The following MAP3K14 variants were observed in gnomAD, a reference collection of about 807,000 sequenced individuals.
MAP3K14 encodes mitogen-activated protein kinase kinase kinase 14.
In MAP3K14, 16 loss-of-function variants were observed where a neutral mutation model predicts 99.2. The ratio of observed to expected loss-of-function variants is 0.16; its 90% CI spans 0.11 to 0.24. The LOEUF is 0.24. Ranked by LOEUF, MAP3K14 falls within the 10% of genes least tolerant of loss-of-function variation. The pLI, the probability that MAP3K14 is intolerant of heterozygous loss-of-function variation, is 1.00. For synonymous variants in MAP3K14, 462 were observed against 492.4 expected (o/e 0.94, Z 0.82); for missense variants, 784 against 1,208.7 (o/e 0.65, Z 5.21).
rs377123854 is a variant in MAP3K14 at position 45,287,127 on chromosome 17, G to A, written c.537+27C>T. The A allele has an allele frequency of 4.1e-4, 659 of 1,608,308 alleles. 5 individuals carry two copies. In the African/African-American group the frequency reaches 8.1e-3, roughly 20 times the overall value. On this transcript the variant is annotated intron_variant, in intron 4 of 15. Transcript: ENST00000344686. Reference sequence around the variant, plus strand: ...AATTTCAAGGCCCCATGAACCTGGGGTCTGGGCAGTGGGTGGAGGGTCTCA... The same window carrying A: ...AATTTCAAGGCCCCATGAACCTGGGATCTGGGCAGTGGGTGGAGGGTCTCA...
intron 6 of MAP3K14, among the ~76,000 whole-genome samples, chr17:45,282,971 GGCAGCTCTGGTGGGCTTGAGCT>G (rs1282919852): frequency 2.0e-5 from 3 of 152,340 alleles, no homozygotes; most frequent in African/African-American, 7.2e-5. Context: ...TTCTGTGAGT[GGCAGCTCTGGTGGGCTTGAGCT>G]GCAGCTCTGG....
rs116799914 is a variant in MAP3K14, at chr17:45,311,494, G to A, written c.-21+5466C>T. Among the ~76,000 whole-genome samples the A allele has an allele frequency of 8.0e-3, 1,223 of 152,298 alleles. 16 individuals carry two copies. Among genetic ancestry groups the A allele is most frequent in the African/African-American group, 0.028 (1,165 of 41,556 alleles). ...AACAGTGTCTGAAGAAAATCTCTGC[G>A]TTAATGGACACCTGATAGTGGCTTT... On this transcript the variant is annotated intron_variant, in intron 1 of 15. Transcript: ENST00000344686.
At chr17:45,280,325 A>G (rs2044212398) in intron 6 of MAP3K14, among the ~76,000 whole-genome samples, 1 of 127,380 alleles carries the variant, frequency 7.9e-6, no homozygotes, top group African/African-American at 3.3e-5. Flanking sequence ...TTTTTTTGAG[A>G]CAGAGTCTTG....
chr17:45,294,824 G>A (rs912826877), intron 1 of MAP3K14, among the ~76,000 whole-genome samples: 1 of 152,242 alleles, frequency 6.6e-6, no homozygotes. Flanking sequence ...CAAAATGGTA[G>A]CCACTAGCAA....
intron 2 of MAP3K14, among the ~76,000 whole-genome samples, chr17:45,289,546 T>C (rs912911443): frequency 2.6e-5 from 4 of 152,174 alleles, no homozygotes; most frequent in African/African-American, 9.6e-5. Flanking sequence ...TAGCCAAGCC[T>C]ATATTATGGG....
intron 2 of MAP3K14, among the ~76,000 whole-genome samples, chr17:45,289,798 G>A (rs988253838): frequency 4.1e-4 from 62 of 152,324 alleles, no homozygotes; most frequent in African/African-American, 1.5e-3. Context: ...GACGAGGGCA[G>A]GATGTATGCG....
chr17:45,315,067 C>G (rs998267841), intron 1 of MAP3K14, among the ~76,000 whole-genome samples: 1 of 151,296 alleles, frequency 6.6e-6, no homozygotes, highest in African/African-American at 2.4e-5. Context: ...AACCAATCAG[C>G]GCAAGCCATC....
At chr17:45,301,320 A>T (rs1246440036) in intron 1 of MAP3K14, among the ~76,000 whole-genome samples, 3 of 151,716 alleles carry the variant, frequency 2.0e-5, no homozygotes, top group Non-Finnish European at 4.4e-5. Flanking sequence ...AAAATTAGCC[A>T]GGCATGGTGG....
chr17:45,310,699 G>A, intron 1 of MAP3K14, among the ~76,000 whole-genome samples: 1 of 152,136 alleles, frequency 6.6e-6, no homozygotes, highest in East Asian at 1.9e-4. Flanking sequence ...TTGGACCCCT[G>A]TAATCAATCA....
rs372258853 is a variant in MAP3K14, at chr17:45,266,656, G to A, written c.2459C>T (p.Ser820Leu). The A allele has an allele frequency of 4.0e-5, 64 of 1,612,464 alleles. No individual in the cohort carries two copies. Among genetic ancestry groups the A allele is most frequent in the Middle Eastern group, 1.6e-4 (1 of 6,082 alleles). Reference protein sequence around the residue: ...EKNPSKASQSSRDTLSSGVHS... With the variant: ...EKNPSKASQSLRDTLSSGVHS... ...TACGCCTGAGCTCAGGGTGTCCCGCGAGCTTTGAGAGGCCTTTGATGGGTT... is the reference window on the plus strand; with the variant it reads ...TACGCCTGAGCTCAGGGTGTCCCGCAAGCTTTGAGAGGCCTTTGATGGGTT... Residue 820 changes from serine to leucine, a missense_variant, in exon 14 of 16, where the codon TCG (serine) becomes TTG (leucine). Around this residue, in one of 5 missense-constraint regions of MAP3K14, gnomAD observed 130 missense variants for 220.4 expected, o/e 0.59. Coordinates refer to ENST00000344686, the MANE Select transcript of MAP3K14 (RefSeq NM_003954.5).
chr17:45,281,291 C>T (rs2044220781), intron 6 of MAP3K14, among the ~76,000 whole-genome samples: 2 of 149,936 alleles, frequency 1.3e-5, no homozygotes, highest in African/African-American at 4.9e-5. Context: ...GATGGGGTCT[C>T]TACAAAGAAG....
intron 1 of MAP3K14, among the ~76,000 whole-genome samples, chr17:45,302,744 G>A (rs555360641): frequency 3.3e-5 from 5 of 152,324 alleles, no homozygotes; most frequent in East Asian, 1.9e-4. Flanking sequence ...AACCGTGTGC[G>A]CGCACATGCA....
chr17:45,277,859 A>C (rs1354315600), intron 6 of MAP3K14, among the ~76,000 whole-genome samples: 1 of 152,208 alleles, frequency 6.6e-6, no homozygotes, highest in Non-Finnish European at 1.5e-5. Context: ...CACTGTGATT[A>C]AAAGTACTTC....
At chr17:45,275,068 G>A (rs897044877) in intron 6 of MAP3K14, among the ~76,000 whole-genome samples, 3 of 152,012 alleles carry the variant, frequency 2.0e-5, no homozygotes, top group Non-Finnish European at 2.9e-5. Flanking sequence ...GAACCCAGGA[G>A]GCGGAGCTTG....
intron 1 of MAP3K14, among the ~76,000 whole-genome samples, chr17:45,310,027 CTTTTTTTTT>C (rs59117060): frequency 1.0e-5 from 1 of 98,832 alleles, no homozygotes; most frequent in Non-Finnish European, 2.0e-5. Flanking sequence ...AGGAGTCCAT[CTTTTTTTTT>C]TTTTTTTTTT....
chr17:45,274,456 C>T lies in MAP3K14; in HGVS notation c.1420+8G>A. On this transcript the variant is annotated splice_region_variant and intron_variant, in intron 7 of 15. Transcript: ENST00000344686. ...AATTTGGAGAAAGAGTGGGACCTGGCTCCTTACCTTCCAGCAGCTCCATGA... is the reference window on the plus strand; with the variant it reads ...AATTTGGAGAAAGAGTGGGACCTGGTTCCTTACCTTCCAGCAGCTCCATGA... The T allele has an allele frequency of 6.2e-7, 1 of 1,613,428 alleles. No homozygotes were observed. Among genetic ancestry groups the T allele is most frequent in the Non-Finnish European group, 8.5e-7 (1 of 1,179,656 alleles).
chr17:45,267,738 C>T lies in MAP3K14; in HGVS notation c.1994G>A (p.Trp665Ter). The T allele has an allele frequency of 6.2e-7, 1 of 1,612,034 alleles. No individual in the cohort carries two copies. The highest frequency in any genetic ancestry group is 8.5e-7 in the Non-Finnish European group (1 of 1,179,750). ...TCTTGGTTCTTTATATTCTCCCCTC[C>T]AAGGGCTCTTCAGACCTCCCACTAG... ...LQQVGGLKSP[W>*]RGEYKEPRHP... is the part of the protein sequence containing the mutation. Residue 665 changes from tryptophan to a stop codon, truncating the protein, a stop_gained, in exon 12 of 16, where the codon TGG becomes TAG. Coordinates refer to ENST00000344686, the MANE Select transcript of MAP3K14 (RefSeq NM_003954.5). LOFTEE classifies it high-confidence loss of function. The surrounding 1 kb of genome is among the most constrained non-coding windows in gnomAD (Gnocchi z 5.1).
At chr17:45,310,868 G>A (rs899722428) in intron 1 of MAP3K14, among the ~76,000 whole-genome samples, 13 of 152,132 alleles carry the variant, frequency 8.5e-5, no homozygotes, top group African/African-American at 2.7e-4. Flanking sequence ...ATAAGACAGC[G>A]TCCAACAAAT....
chr17:45,316,075 G>C (rs997320561), intron 1 of MAP3K14, among the ~76,000 whole-genome samples: 4 of 152,132 alleles, frequency 2.6e-5, no homozygotes, highest in African/African-American at 7.2e-5. Context: ...TGTCTCCAGC[G>C]ATCAAAAGTA....
Sources: gnomAD v4.1 joint callset for allele counts (sites outside exome capture counted in the v4.1 genomes callset) on GRCh38, gnomAD v4.1.1 for gene constraint, gnomAD v4.1.1 regional missense constraint, Gnocchi (gnomAD v3.1) non-coding constraint, MANE v1.5 for transcripts, NCBI Gene and HGNC (gene_info 2026-07-23, HGNC 2026-07-21) for gene names.